Variants in STARD13 observed in about 807,000 individuals in gnomAD.
STARD13 encodes the protein stAR-related lipid transfer protein 13.
STARD13 carries 62 observed loss-of-function variants against 106.4 expected under a neutral mutation model. The observed-to-expected ratio is 0.58, with a 90% CI of 0.48 to 0.72. STARD13 has a LOEUF of 0.72. STARD13 is among the 30% of genes least tolerant of loss of function. The pLI, the probability that STARD13 is intolerant of heterozygous loss-of-function variation, is 0.00. For synonymous variants in STARD13, 565 were observed against 553.0 expected, an observed-to-expected ratio of 1.02 and a Z score of -0.31; for missense variants, 1,387 against 1,424.0, an observed-to-expected ratio of 0.97 and a Z score of 0.42.
chr13:33,212,120 C>T (rs1234393121), intron 1 of STARD13, among the ~76,000 whole-genome samples: 3 of 152,102 alleles, frequency 2.0e-5, no homozygotes, highest in South Asian at 2.1e-4. Context: ...GGGGACCAGA[C>T]CAAGGAACCA....
intron 11 of STARD13, 24 bp downstream of exon 11, chr13:33,110,662 T>A (rs1353354294): frequency 1.3e-6 from 2 of 1,596,850 alleles, no homozygotes; most frequent in Admixed American, 3.3e-5. Context: ...CTGGGGGTGA[T>A]CTTTTTCCAT....
chr13:33,385,707 A>G, the STARD13 span, among the ~76,000 whole-genome samples: 1 of 151,606 alleles, frequency 6.6e-6, no homozygotes, highest in East Asian at 1.9e-4. Context: ...TAAAACTACA[A>G]AAATTAGCTG....
the STARD13 span, among the ~76,000 whole-genome samples, chr13:33,632,705 G>C: frequency 6.6e-6 from 1 of 152,040 alleles, no homozygotes; most frequent in African/African-American, 2.4e-5. Context: ...TACTCTGCTA[G>C]AAAAATGTAT....
chr13:33,618,565 G>C, the STARD13 span, among the ~76,000 whole-genome samples: 4 of 150,552 alleles, frequency 2.7e-5, no homozygotes, highest in African/African-American at 9.7e-5. Context: ...CTATGAGCCA[G>C]ATATTGAGGA....
chr13:33,378,827 A>G, the STARD13 span, among the ~76,000 whole-genome samples: 3 of 151,060 alleles, frequency 2.0e-5, no homozygotes, highest in Admixed American at 1.3e-4. Context: ...AAAGAAACAT[A>G]GGCTGGGCGT....
chr13:33,448,155 G>A, the STARD13 span, among the ~76,000 whole-genome samples: 16,673 of 152,034 alleles, frequency 0.11, 1,187 homozygotes, highest in East Asian at 0.21. Context: ...TTATAATAGC[G>A]TATCCAGCAC....
chr13:33,474,997 C>A, the STARD13 span, among the ~76,000 whole-genome samples: 6 of 152,162 alleles, frequency 3.9e-5, no homozygotes, highest in South Asian at 2.1e-4. Context: ...TCTAGAGAAA[C>A]TGTTAAAAAA....
At chr13:33,574,546 C>T in the STARD13 span, among the ~76,000 whole-genome samples, 7 of 152,112 alleles carry the variant, frequency 4.6e-5, no homozygotes, top group Admixed American at 2.6e-4. Context: ...GACCAGCCTG[C>T]GGTACATACT....
At chr13:33,547,153 T>G in the STARD13 span, among the ~76,000 whole-genome samples, 12 of 152,210 alleles carry the variant, frequency 7.9e-5, no homozygotes, top group Non-Finnish European at 1.6e-4. Context: ...CTTTTGGCCA[T>G]GTATTGATCA....
chr13:33,365,404 G>T, the STARD13 span, among the ~76,000 whole-genome samples: 1 of 152,200 alleles, frequency 6.6e-6, no homozygotes, highest in Non-Finnish European at 1.5e-5. Flanking sequence ...TACACAGCTG[G>T]TGCCTCTGCA....
the STARD13 span, among the ~76,000 whole-genome samples, chr13:33,583,931 G>A: frequency 6.6e-6 from 1 of 151,374 alleles, no homozygotes; most frequent in Non-Finnish European, 1.5e-5. Context: ...GAGCATAGAT[G>A]TACAGATACC....
intron 1 of STARD13, among the ~76,000 whole-genome samples, chr13:33,203,195 C>CTGTT (rs1378109657): frequency 4.6e-5 from 7 of 152,182 alleles, no homozygotes; most frequent in Non-Finnish European, 8.8e-5. Context: ...CCACCACACA[C>CTGTT]CTGTGTTCAC....
chr13:33,288,243 A>G (rs1892150441), upstream of STARD13, among the ~76,000 whole-genome samples: 1 of 152,152 alleles, frequency 6.6e-6, no homozygotes, highest in Admixed American at 6.5e-5. Flanking sequence ...TCATTAAAAT[A>G]ATCTTAGCAA....
the STARD13 span, among the ~76,000 whole-genome samples, chr13:33,475,906 G>T: frequency 6.6e-6 from 1 of 151,980 alleles, no homozygotes; most frequent in Non-Finnish European, 1.5e-5. Context: ...GCAGCGAGCC[G>T]AGATGGCGCC....
chr13:33,597,096 T>A, the STARD13 span, among the ~76,000 whole-genome samples: 1 of 152,346 alleles, frequency 6.6e-6, no homozygotes, highest in Non-Finnish European at 1.5e-5. Context: ...TTTTTAGTTT[T>A]TTGAGAAGAC....
the STARD13 span, among the ~76,000 whole-genome samples, chr13:33,537,587 G>A: frequency 6.6e-6 from 1 of 152,078 alleles, no homozygotes; most frequent in Admixed American, 6.5e-5. Flanking sequence ...TACACTCACA[G>A]ACCTGTGGGC....
the STARD13 span, among the ~76,000 whole-genome samples, chr13:33,475,426 C>T: frequency 1.3e-5 from 2 of 151,962 alleles, no homozygotes; most frequent in Non-Finnish European, 2.9e-5. Context: ...ATTTTGTGTC[C>T]TACGCATTTC....
At chr13:33,453,783 G>GTGTA in the STARD13 span, among the ~76,000 whole-genome samples, 1 of 152,202 alleles carries the variant, frequency 6.6e-6, no homozygotes, top group Non-Finnish European at 1.5e-5. Context: ...AAAAAAGAGT[G>GTGTA]TGTAACAGGG....
At chr13:33,472,232 G>C in the STARD13 span, among the ~76,000 whole-genome samples, 1 of 151,338 alleles carries the variant, frequency 6.6e-6, no homozygotes, top group Non-Finnish European at 1.5e-5. Context: ...TATATTTCTG[G>C]GGTACATGAG....
Sources: gnomAD v4.1 joint callset for allele counts (sites outside exome capture counted in the v4.1 genomes callset) on GRCh38, gnomAD v4.1.1 for gene constraint, MANE v1.5 for transcripts, NCBI Gene and HGNC (gene_info 2026-07-23, HGNC 2026-07-21) for gene names.